The following PCDHA11 variants were observed in gnomAD, a reference collection of about 807,000 sequenced individuals.
PCDHA11 encodes protocadherin alpha 11.
PCDHA11 carries 61 observed loss-of-function variants against 70.3 expected under a neutral mutation model. The observed-to-expected ratio is 0.87, with a 90% CI of 0.71 to 1.07. The LOEUF (loss-of-function observed/expected upper bound fraction) is 1.07, where lower values mean the gene tolerates loss of function less well. PCDHA11 is among the 50% of genes least tolerant of loss of function. The pLI, the probability that PCDHA11 is intolerant of heterozygous loss-of-function variation, is 0.00. For missense variants in PCDHA11, 1,324 were observed against 1,237.5 expected (o/e 1.07, Z -1.05); for synonymous variants, 633 against 555.1 (o/e 1.14, Z -1.97).
At position 140,869,451 on chromosome 5, in the gene PCDHA11, T is replaced by C; in HGVS notation, c.348T>C (p.Val116=). The change falls in exon 1 of 4, where the codon GTT becomes GTC. Residue 116 remains valine (V), a synonymous_variant. Transcript: ENST00000398640. ...LEVIVDRPLQ[V]FHVNVEVKDI... ...TGATCGTGGACAGGCCGCTGCAGGTTTTCCATGTGAACGTGGAGGTGAAGG... is the reference window on the plus strand; with the variant it reads ...TGATCGTGGACAGGCCGCTGCAGGTCTTCCATGTGAACGTGGAGGTGAAGG... 1 of 1,614,146 alleles carries C rather than the reference T, an allele frequency of 6.2e-7. No individual in the cohort carries two copies. Among genetic ancestry groups the C allele is most frequent in the Non-Finnish European group, 8.5e-7 (1 of 1,180,026 alleles).
At chr5:140,985,103 A>C (rs1342526252) in intron 3 of PCDHA11, among the ~76,000 whole-genome samples, 1 of 151,694 alleles carries the variant, frequency 6.6e-6, no homozygotes, top group Admixed American at 6.6e-5. Context: ...AAGCCTGGCT[A>C]ATTTTTTGTG....
intron 1 of PCDHA11, chr5:140,926,257 C>T (rs888723043): frequency 5.2e-5 from 8 of 152,418 alleles, no homozygotes; most frequent in African/African-American, 1.4e-4. Context: ...ACCGTCCCGC[C>T]TCTCGCCGCC....
intron 1 of PCDHA11, chr5:140,882,304 G>A (rs1046715245): frequency 1.2e-6 from 2 of 1,613,750 alleles, no homozygotes; most frequent in Non-Finnish European, 1.7e-6. Context: ...CAAGACCGCG[G>A]CAACTACTGC....
At chr5:140,872,582 G>T (rs535860760) in intron 1 of PCDHA11, among the ~76,000 whole-genome samples, 2 of 152,202 alleles carry the variant, frequency 1.3e-5, no homozygotes, top group African/African-American at 4.8e-5. Context: ...ACCTATCATC[G>T]TGAGACCCCC....
chr5:140,869,297 G>A lies in PCDHA11; in HGVS notation c.194G>A (p.Arg65Gln), dbSNP rs781788461. The A allele has an allele frequency of 1.2e-6, 2 of 1,613,576 alleles. No individual in the cohort carries two copies. Among genetic ancestry groups the A allele is most frequent in the East Asian group, 2.2e-5 (1 of 44,880 alleles). The change falls in exon 1 of 4, where the codon CGG becomes CAG. Residue 65 changes from arginine (R) to glutamine (Q), a missense_variant. Arg to Gln is a conservative substitution (Grantham distance 43). Transcript: ENST00000398640. Reference protein sequence around the residue: ...ELAELVQRLFRVASKTHGDLL... With the variant: ...ELAELVQRLFQVASKTHGDLL... Reference sequence around the variant, plus strand: ...GCGGAGCTGGTGCAGCGCCTGTTCCGGGTGGCGTCCAAAACACATGGGGAC... The same window carrying A: ...GCGGAGCTGGTGCAGCGCCTGTTCCAGGTGGCGTCCAAAACACATGGGGAC...
rs782619715 is a variant in PCDHA11, at chr5:140,883,236, T to C, written c.2391+11742T>C. 1.2e-5 allele frequency: 20 copies of C among 1,613,888 alleles called. No individual in the cohort carries two copies. Among genetic ancestry groups the C allele is most frequent in the Non-Finnish European group, 1.7e-5 (20 of 1,180,006 alleles). On this transcript the variant is annotated intron_variant, in intron 1 of 3. Coordinates refer to ENST00000398640, the MANE Select transcript of PCDHA11 (RefSeq NM_018902.5). ...TTATATGAAATATCCGTGGAGGCAGTTGACAAAGGAAATATTCCAATGGCG... is the reference window on the plus strand; with the variant it reads ...TTATATGAAATATCCGTGGAGGCAGCTGACAAAGGAAATATTCCAATGGCG...
intron 3 of PCDHA11, among the ~76,000 whole-genome samples, chr5:140,995,316 A>G (rs2097676169): frequency 1.3e-5 from 2 of 152,222 alleles, no homozygotes; most frequent in South Asian, 4.1e-4. Context: ...TTCTAAGTGA[A>G]CTAACAGGTG....
intron 1 of PCDHA11, among the ~76,000 whole-genome samples, chr5:140,954,414 G>A (rs1322356989): frequency 1.3e-5 from 2 of 152,010 alleles, no homozygotes; most frequent in Non-Finnish European, 2.9e-5. Flanking sequence ...GGGTAAAGGT[G>A]TTCCTTTTTC....
At chr5:140,934,511 T>C (rs999288213) in intron 1 of PCDHA11, among the ~76,000 whole-genome samples, 1 of 152,210 alleles carries the variant, frequency 6.6e-6, no homozygotes, top group East Asian at 1.9e-4. Context: ...AAAGGGTCCA[T>C]AGACCACACT....
intron 1 of PCDHA11, chr5:140,928,599 T>G: frequency 6.2e-7 from 1 of 1,614,224 alleles, no homozygotes. Context: ...CAGTGGAAAT[T>G]GTGCCCCGCT....
intron 1 of PCDHA11, chr5:140,884,609 G>T: frequency 6.2e-7 from 1 of 1,614,138 alleles, no homozygotes; most frequent in Non-Finnish European, 8.5e-7. Context: ...TCCTTGTCTG[G>T]GTTCTGCAGA....
At chr5:140,888,749 AC>A (rs1218374821) in intron 1 of PCDHA11, among the ~76,000 whole-genome samples, 1 of 151,232 alleles carries the variant, frequency 6.6e-6, no homozygotes, top group African/African-American at 2.4e-5. Context: ...GAATTATTCT[AC>A]CCACTTTTTT....
intron 1 of PCDHA11, among the ~76,000 whole-genome samples, chr5:140,892,469 A>G (rs557049666): frequency 1.3e-5 from 2 of 152,302 alleles, no homozygotes; most frequent in South Asian, 4.1e-4. Context: ...ACGGTTATTC[A>G]GTTTCCTAGC....
chr5:140,930,594 A>G (rs1554207944), intron 1 of PCDHA11: 2 of 152,716 alleles, frequency 1.3e-5, no homozygotes, highest in East Asian at 3.9e-4. Flanking sequence ...GACTTCTCAT[A>G]GAAATCCTAG....
At chr5:140,914,197 T>G (rs2076637069) in intron 1 of PCDHA11, among the ~76,000 whole-genome samples, 1 of 152,234 alleles carries the variant, frequency 6.6e-6, no homozygotes, top group South Asian at 2.1e-4. Flanking sequence ...ATTATTGTAT[T>G]GTGATCTCTA....
chr5:140,943,605 CTT>C (rs1232110768), intron 1 of PCDHA11, among the ~76,000 whole-genome samples: 5 of 152,064 alleles, frequency 3.3e-5, no homozygotes, highest in African/African-American at 1.2e-4. Context: ...TAAATATAGA[CTT>C]TGATTCATCT....
chr5:140,915,049 G>A (rs141616466), intron 1 of PCDHA11, among the ~76,000 whole-genome samples: 6,100 of 150,756 alleles, frequency 0.04, 138 homozygotes, highest in Non-Finnish European at 0.052. Flanking sequence ...GGGTTCAAGC[G>A]ATTCTCCTGC....
At chr5:141,008,582 G>A (rs1554261823) in intron 3 of PCDHA11, among the ~76,000 whole-genome samples, 1 of 152,130 alleles carries the variant, frequency 6.6e-6, no homozygotes. Context: ...CCAAGACTCA[G>A]GGCAGATTTC....
rs781893809 is a variant in PCDHA11 at position 140,883,492 on chromosome 5, G to T, written c.2391+11998G>T. On this transcript the variant is annotated intron_variant, in intron 1 of 3. Transcript: ENST00000398640. ...CCTACAAGAACTACTACTCATTAGT[G>T]CTGGACAGCGCCCTGGACCGCGAGA... The T allele has an allele frequency of 4.3e-5, 69 of 1,614,058 alleles. 1 individual carries two copies. In the South Asian group the frequency reaches 7.5e-4, roughly 17 times the overall value.
Sources: gnomAD v4.1 joint callset for allele counts (sites outside exome capture counted in the v4.1 genomes callset) on GRCh38, gnomAD v4.1.1 for gene constraint, MANE v1.5 for transcripts, NCBI Gene and HGNC (gene_info 2026-07-23, HGNC 2026-07-21) for gene names.